The following STK32A variants were observed in gnomAD, a reference collection of about 807,000 sequenced individuals.
STK32A encodes serine/threonine-protein kinase 32A.
In STK32A, 41 loss-of-function variants were observed where a neutral mutation model predicts 53.2. The ratio of observed to expected loss-of-function variants is 0.77; its 90% CI spans 0.60 to 1.00. The LOEUF is 1.00. STK32A is among the 50% of genes least tolerant of loss of function. STK32A has a pLI of 0.00. For synonymous variants in STK32A, 166 were observed against 162.8 expected (o/e 1.02, Z -0.15); for missense variants, 458 against 485.8 (o/e 0.94, Z 0.54).
chr5:147,350,134 T>A (rs778067926), intron 6 of STK32A, among the ~76,000 whole-genome samples: 6 of 150,076 alleles, frequency 4.0e-5, no homozygotes, highest in Admixed American at 6.6e-5. Context: ...AAATTAAATT[T>A]AAAAAAAACC....
chr5:147,272,729 A>G (rs1755095552), intron 2 of STK32A, among the ~76,000 whole-genome samples: 1 of 152,174 alleles, frequency 6.6e-6, no homozygotes, highest in Admixed American at 6.5e-5. Flanking sequence ...AAAATTTGTA[A>G]TTTTTAGTTT....
intron 11 of STK32A, among the ~76,000 whole-genome samples, chr5:147,380,401 G>A (rs902102822): frequency 4.0e-5 from 6 of 151,896 alleles, no homozygotes; most frequent in East Asian, 1.9e-4. Context: ...TTCCTCTCCT[G>A]TCACCTAAAC....
intron 6 of STK32A, among the ~76,000 whole-genome samples, chr5:147,345,334 T>A (rs1000864720): frequency 1.2e-4 from 19 of 152,342 alleles, no homozygotes; most frequent in African/African-American, 4.6e-4. Flanking sequence ...CTTGATGCAA[T>A]GACTGTCACA....
chr5:147,301,294 T>C (rs1346754561), intron 4 of STK32A, among the ~76,000 whole-genome samples: 1 of 38,578 alleles, frequency 2.6e-5, no homozygotes, highest in East Asian at 5.4e-4. Flanking sequence ...ATTTCACTAA[T>C]GTATTTTTTT....
Position 147,384,291 on chromosome 5 carries a change from T to C in STK32A, c.*308T>C. 2 of 1,372,410 alleles carry C rather than the reference T, an allele frequency of 1.5e-6. No homozygotes were observed. The highest frequency in any genetic ancestry group is 1.9e-6 in the Non-Finnish European group (2 of 1,034,668). 85.0% of individuals were successfully genotyped at this position (1,372,410 alleles called of 1,614,324 possible). A position where few individuals can be genotyped will look rare whatever the true frequency, so the allele number is the denominator to read the frequency against. ...ATACCCTGCCTTTTTAGTGCTATAGTTGTTATTCTAAACCGCCTTTATTTT... is the reference window on the plus strand; with the variant it reads ...ATACCCTGCCTTTTTAGTGCTATAGCTGTTATTCTAAACCGCCTTTATTTT... On this transcript the variant is annotated 3_prime_UTR_variant, in exon 13 of 13. Coordinates refer to ENST00000397936, the MANE Select transcript of STK32A (RefSeq NM_001112724.2).
At chr5:147,354,966 G>T (rs997809241) in intron 7 of STK32A, among the ~76,000 whole-genome samples, 1 of 152,142 alleles carries the variant, frequency 6.6e-6, no homozygotes, top group African/African-American at 2.4e-5. Flanking sequence ...CAGACGTATT[G>T]TGGGTAGAAG....
At chr5:147,395,704 G>C in the STK32A span, 2 of 1,613,870 alleles carry the variant, frequency 1.2e-6, no homozygotes, top group Non-Finnish European at 1.7e-6. Flanking sequence ...CCCTTGGGAC[G>C]GCATGCAGGT....
At chr5:147,312,159 G>A (rs1753730754) in intron 4 of STK32A, among the ~76,000 whole-genome samples, 1 of 152,210 alleles carries the variant, frequency 6.6e-6, no homozygotes, top group South Asian at 2.1e-4. Context: ...GGTGTGCAAT[G>A]GCACAATCTT....
In STK32A at chr5:147,385,982, A is replaced by C. The variant is rs772330705; in HGVS notation, c.*1999A>C. 1 of 152,228 alleles carries C rather than the reference A, an allele frequency of 6.6e-6. No individual in the cohort carries two copies. The highest frequency in any genetic ancestry group is 1.5e-5 in the Non-Finnish European group (1 of 68,032). The allele number at this position is 152,228 out of a possible 1,614,324, so 9.4% of individuals were successfully genotyped here. A position where few individuals can be genotyped will look rare whatever the true frequency, so the allele number is the denominator to read the frequency against. On this transcript the variant is annotated 3_prime_UTR_variant, in exon 13 of 13. Transcript: ENST00000397936. The stretch of plus-strand genomic sequence containing the variant: ...ATAAAGAGGTTACACTGGGGCAACC[A>C]AGTATGTGTAGAAAGCCAGAGCTAA...
chr5:147,271,708 G>T (rs190611761), intron 2 of STK32A, among the ~76,000 whole-genome samples: 1 of 152,070 alleles, frequency 6.6e-6, no homozygotes, highest in African/African-American at 2.4e-5. Context: ...GATGAAATTA[G>T]CCCCAGTCTC....
chr5:147,287,207 G>C (rs1192898693), intron 4 of STK32A, among the ~76,000 whole-genome samples: 1 of 152,156 alleles, frequency 6.6e-6, no homozygotes, highest in Non-Finnish European at 1.5e-5. Context: ...AGAGAAGCTT[G>C]CAGTATCTGT....
chr5:147,355,360 G>C (rs1756166620), intron 7 of STK32A, among the ~76,000 whole-genome samples: 1 of 152,036 alleles, frequency 6.6e-6, no homozygotes, highest in Admixed American at 6.6e-5. Context: ...ATATAATCCA[G>C]ATTACTTAGA....
chr5:147,293,988 C>G (rs1461818180), intron 4 of STK32A, among the ~76,000 whole-genome samples: 2 of 152,124 alleles, frequency 1.3e-5, no homozygotes, highest in Non-Finnish European at 2.9e-5. Flanking sequence ...TCTCAGTCAG[C>G]TTTGACTGCA....
chr5:147,388,398 C>T (rs1757726659), downstream of STK32A, among the ~76,000 whole-genome samples: 1 of 152,214 alleles, frequency 6.6e-6, no homozygotes, highest in Admixed American at 6.5e-5. Flanking sequence ...CTGCTGGCTC[C>T]ATGGGCTTGT....
chr5:147,321,757 G>C (rs761214772), intron 4 of STK32A, among the ~76,000 whole-genome samples: 2 of 152,180 alleles, frequency 1.3e-5, no homozygotes, highest in African/African-American at 2.4e-5. Flanking sequence ...AACTACACCT[G>C]GCAGCCTAAC....
intron 6 of STK32A, among the ~76,000 whole-genome samples, chr5:147,346,331 T>A (rs1755686887): frequency 6.6e-6 from 1 of 152,198 alleles, no homozygotes; most frequent in Non-Finnish European, 1.5e-5. Flanking sequence ...GTAGCCACTG[T>A]GAAGGGTAAC....
chr5:147,363,289 ATCT>A (rs1756594117), intron 8 of STK32A, among the ~76,000 whole-genome samples: 1 of 151,804 alleles, frequency 6.6e-6, no homozygotes, highest in Admixed American at 6.6e-5. Context: ...CTCGAGAATA[ATCT>A]TCTTTGAGTT....
intron 7 of STK32A, among the ~76,000 whole-genome samples, chr5:147,356,106 T>TA (rs1046207794): frequency 6.6e-6 from 1 of 150,788 alleles, no homozygotes; most frequent in African/African-American, 2.4e-5. Context: ...TTTTACAAGT[T>TA]AAAAAAAAAT....
chr5:147,248,447 A>G (rs1006067619), intron 2 of STK32A, among the ~76,000 whole-genome samples: 3 of 152,194 alleles, frequency 2.0e-5, no homozygotes, highest in Admixed American at 1.3e-4. Context: ...TTTGTAAGAT[A>G]TATTATTTAA....
Sources: allele counts gnomAD v4.1 joint callset (sites outside exome capture counted in the v4.1 genomes callset), GRCh38; gene constraint gnomAD v4.1.1; transcripts MANE v1.5; gene names NCBI Gene and HGNC (gene_info 2026-07-23, HGNC 2026-07-21).